Variants in NRXN3 observed in about 807,000 individuals in gnomAD.
NRXN3 encodes the protein neurexin III.
Under a neutral mutation model 137.6 loss-of-function variants are expected in NRXN3, and 32 were observed. The ratio of observed to expected loss-of-function variants is 0.23; its 90% CI spans 0.18 to 0.31. NRXN3 has a LOEUF of 0.31. NRXN3 is among the 10% of genes least tolerant of loss of function. The pLI is 1.00. For missense variants in NRXN3, 1,574 were observed against 2,062.5 expected (o/e 0.76, Z 4.59); for synonymous variants, 798 against 784.5 (o/e 1.02, Z -0.29).
At chr14:78,892,885 G>C (rs1173443490) in intron 10 of NRXN3, among the ~76,000 whole-genome samples, 1 of 151,444 alleles carries the variant, frequency 6.6e-6, no homozygotes, top group East Asian at 2.0e-4. Flanking sequence ...TAAAAACAAA[G>C]AAAAAATGTT....
intron 15 of NRXN3, among the ~76,000 whole-genome samples, chr14:79,391,911 T>C (rs938335680): frequency 2.6e-5 from 4 of 152,242 alleles, no homozygotes; most frequent in African/African-American, 9.6e-5. Flanking sequence ...GGAGAGTGTT[T>C]AGAAGTCTAT....
chr14:78,800,298 A>G (rs1188141781), intron 8 of NRXN3, among the ~76,000 whole-genome samples: 1 of 152,202 alleles, frequency 6.6e-6, no homozygotes, highest in African/African-American at 2.4e-5. Flanking sequence ...AAATGAGATA[A>G]TAAAGTCTTC....
At chr14:79,485,873 T>C (rs1175467014) in intron 16 of NRXN3, among the ~76,000 whole-genome samples, 1 of 152,130 alleles carries the variant, frequency 6.6e-6, no homozygotes, top group Admixed American at 6.5e-5. Flanking sequence ...GAAATGATGA[T>C]TTTTCTTAGA....
chr14:78,801,563 C>T (rs2098839049), intron 8 of NRXN3, among the ~76,000 whole-genome samples: 1 of 152,124 alleles, frequency 6.6e-6, no homozygotes, highest in African/African-American at 2.4e-5. Flanking sequence ...AAACCACCCC[C>T]ATGATCCAAT....
intron 15 of NRXN3, among the ~76,000 whole-genome samples, chr14:79,182,559 C>T (rs2063051732): frequency 6.6e-6 from 1 of 152,102 alleles, no homozygotes; most frequent in Admixed American, 6.6e-5. Flanking sequence ...AGGCAGAGCT[C>T]AGGCAGTAAT....
intron 1 of NRXN3, among the ~76,000 whole-genome samples, chr14:78,202,578 A>G (rs1373670766): frequency 3.3e-5 from 5 of 152,174 alleles, no homozygotes; most frequent in African/African-American, 9.7e-5. Context: ...AATCTGTTAG[A>G]TGGAAAAATA....
intron 20 of NRXN3, among the ~76,000 whole-genome samples, chr14:79,820,112 C>G (rs187911027): frequency 6.6e-6 from 1 of 152,242 alleles, no homozygotes. Context: ...GTCTAAATGA[C>G]TGAGATACGA....
chr14:78,794,932 A>AC (rs2098816959), intron 8 of NRXN3, among the ~76,000 whole-genome samples: 1 of 11,812 alleles, frequency 8.5e-5, no homozygotes. Context: ...AAACAAACAA[A>AC]CAAACAAAAA....
At chr14:79,254,581 C>T (rs919532247) in intron 15 of NRXN3, among the ~76,000 whole-genome samples, 1 of 152,148 alleles carries the variant, frequency 6.6e-6, no homozygotes, top group Non-Finnish European at 1.5e-5. Context: ...GAACAGCTGA[C>T]GAACATGCGG....
At chr14:79,241,282 A>AGAATCATG (rs2074244727) in intron 15 of NRXN3, among the ~76,000 whole-genome samples, 1 of 152,172 alleles carries the variant, frequency 6.6e-6, no homozygotes, top group African/African-American at 2.4e-5. Flanking sequence ...CATCAAAAAG[A>AGAATCATG]GAATCATGGC....
intron 15 of NRXN3, among the ~76,000 whole-genome samples, chr14:79,216,560 T>TA (rs1289928275): frequency 6.6e-6 from 1 of 152,134 alleles, no homozygotes; most frequent in Non-Finnish European, 1.5e-5. Context: ...CTTATAAAAG[T>TA]AAAAAATAGT....
At chr14:79,533,898 T>A (rs2097190249) in intron 16 of NRXN3, among the ~76,000 whole-genome samples, 1 of 152,218 alleles carries the variant, frequency 6.6e-6, no homozygotes, top group Non-Finnish European at 1.5e-5. Context: ...CTCAGCTTAC[T>A]TAATGCTCTA....
chr14:79,200,326 A>G (rs1052367596), intron 15 of NRXN3, among the ~76,000 whole-genome samples: 23 of 152,314 alleles, frequency 1.5e-4, no homozygotes, highest in Admixed American at 1.1e-3. Flanking sequence ...CTCTACAGAA[A>G]AGAAGTTTGC....
chr14:78,913,265 TC>T (rs1567685025), intron 10 of NRXN3, among the ~76,000 whole-genome samples: 1,133 of 105,468 alleles, frequency 0.011, 17 homozygotes, highest in Non-Finnish European at 0.015. Context: ...TTTCTTTCTT[TC>T]TTTCTTTCTT....
At chr14:79,364,922 A>C (rs2153424330) in intron 15 of NRXN3, among the ~76,000 whole-genome samples, 1 of 151,868 alleles carries the variant, frequency 6.6e-6, no homozygotes, top group South Asian at 2.1e-4. Flanking sequence ...AATCCCCAAA[A>C]CCAGCACTCT....
At chr14:78,478,557 A>T (rs2095419513) in intron 4 of NRXN3, among the ~76,000 whole-genome samples, 2 of 152,248 alleles carry the variant, frequency 1.3e-5, no homozygotes, top group Admixed American at 6.5e-5. Context: ...TCAGAAAAAA[A>T]AGAGAAAGCC....
At chr14:79,257,910 A>G (rs2077017114) in intron 15 of NRXN3, among the ~76,000 whole-genome samples, 1 of 152,036 alleles carries the variant, frequency 6.6e-6, no homozygotes, top group Non-Finnish European at 1.5e-5. Context: ...TTCTTATTCA[A>G]TTTTAAACTT....
chr14:78,415,699 AG>A (rs1372135810), intron 4 of NRXN3, among the ~76,000 whole-genome samples: 1 of 152,102 alleles, frequency 6.6e-6, no homozygotes, highest in Admixed American at 6.6e-5. Flanking sequence ...CCTTATCCCC[AG>A]GGTGATGGTG....
rs2099416653 is a variant in NRXN3, at chr14:79,864,009, T to G, written c.*2045T>G. On this transcript the variant is annotated 3_prime_UTR_variant, in exon 21 of 21. Coordinates refer to ENST00000335750, the MANE Select transcript of NRXN3 (RefSeq NM_001330195.2). The stretch of plus-strand genomic sequence containing the variant: ...TCAATGTGTTAAGAGTTTAATTTTT[T>G]TGTTATCATTAAAAAAGACAGGATT... 1 of 152,534 alleles carries G rather than the reference T, an allele frequency of 6.6e-6. No individual in the cohort carries two copies. The highest frequency in any genetic ancestry group is 2.4e-5 in the African/African-American group (1 of 41,462). 9.4% of individuals were successfully genotyped at this position (152,534 alleles called of 1,614,324 possible). A position where few individuals can be genotyped will look rare whatever the true frequency, so the allele number is the denominator to read the frequency against.
Sources: allele counts gnomAD v4.1 joint callset (sites outside exome capture counted in the v4.1 genomes callset), GRCh38; gene constraint gnomAD v4.1.1; transcripts MANE v1.5; gene names NCBI Gene and HGNC (gene_info 2026-07-23, HGNC 2026-07-21).